The following CDC20B variants were observed in gnomAD, a reference collection of about 807,000 sequenced individuals.
CDC20B encodes cell division cycle protein 20 homolog B.
A neutral mutation model predicts 64.1 loss-of-function variants in CDC20B; 58 were observed. That is an observed-to-expected ratio of 0.90 (90% CI 0.73 to 1.13). The LOEUF is 1.13. CDC20B is among the 50% of genes most tolerant of loss of function. The pLI is 0.00. For missense variants in CDC20B, 597 were observed against 633.0 expected (o/e 0.94, Z 0.61); for synonymous variants, 243 against 230.6 (o/e 1.05, Z -0.49).
intron 2 of CDC20B, among the ~76,000 whole-genome samples, chr5:55,148,859 C>T (rs1345661646): frequency 2.0e-5 from 3 of 152,200 alleles, no homozygotes; most frequent in East Asian, 1.9e-4. Flanking sequence ...ATCTTATTTA[C>T]GCCCATTTTA....
chr5:55,125,385 G>A (rs530969357), intron 8 of CDC20B, among the ~76,000 whole-genome samples: 10 of 152,118 alleles, frequency 6.6e-5, no homozygotes, highest in Non-Finnish European at 1.5e-4. Flanking sequence ...ACACTTTTCT[G>A]CAACTTTGAA....
intron 5 of CDC20B, among the ~76,000 whole-genome samples, chr5:55,138,641 G>A (rs1455554118): frequency 1.3e-5 from 2 of 151,270 alleles, no homozygotes; most frequent in African/African-American, 2.4e-5. Flanking sequence ...ACAACACAGA[G>A]AGCACAGAAG....
At position 55,170,534 on chromosome 5, in the gene CDC20B, T is replaced by C. The variant is rs144949536; in HGVS notation, c.126+2054A>G. On this transcript the variant is annotated intron_variant, in intron 2 of 11. Coordinates refer to ENST00000381375, the MANE Select transcript of CDC20B (RefSeq NM_001170402.1). ...TTCAGTTACACTCTGATGTTCATTG[T>C]ATATGCAATAAGACAGCAGTTGCAT... 848 of 534,832 alleles carry C rather than the reference T, an allele frequency of 1.6e-3. 3 individuals are homozygous for C. The highest frequency in any genetic ancestry group is 2.1e-3 in the Non-Finnish European group (551 of 260,094). 33.1% of individuals were successfully genotyped at this position (534,832 alleles called of 1,614,324 possible).
chr5:55,137,586 C>T, intron 5 of CDC20B: 1 of 456,662 alleles, frequency 2.2e-6, no homozygotes, highest in Non-Finnish European at 4.4e-6. Flanking sequence ...TAGTCTTTGC[C>T]ACCAACATCC....
chr5:55,157,118 C>T (rs1394000643), intron 2 of CDC20B, among the ~76,000 whole-genome samples: 1 of 152,166 alleles, frequency 6.6e-6, no homozygotes, highest in East Asian at 1.9e-4. Context: ...TCATCATGAA[C>T]TCATCAATCT....
At position 55,147,578 on chromosome 5, in the gene CDC20B, TTA is replaced by T. The variant is rs1417954704; in HGVS notation, c.127-724_127-723del. 2.0e-5 allele frequency among the ~76,000 whole-genome samples: 3 copies of T among 150,190 alleles called. No homozygotes were observed. The East Asian group carries it at 5.8e-4, about 29-fold the overall frequency. ...TTTATATGTATTTATGTGTAAAATG[TTA>T]TTTTTTTATGTTTATATGTGAAATA... is the stretch of plus-strand genomic sequence containing the variant. On this transcript the variant is annotated intron_variant, in intron 2 of 11. Transcript: ENST00000381375.
At chr5:55,121,876 C>T (rs1442346721) in intron 9 of CDC20B, among the ~76,000 whole-genome samples, 2 of 152,180 alleles carry the variant, frequency 1.3e-5, no homozygotes, top group African/African-American at 4.8e-5. Flanking sequence ...TTTTTGCCAT[C>T]TAAGCACCTA....
chr5:55,160,148 C>T, intron 2 of CDC20B: 1 of 1,452,260 alleles, frequency 6.9e-7, no homozygotes, highest in South Asian at 1.1e-5. Flanking sequence ...TTCAGCTCCT[C>T]CTTGAATTCC....
rs757634729 is a variant in CDC20B, at chr5:55,146,753, C to T, written c.230G>A (p.Trp77Ter). Residue 77 changes from tryptophan to a stop codon, truncating the protein, a stop_gained, in exon 3 of 12, where the codon TGG becomes TAG. Coordinates refer to ENST00000381375, the MANE Select transcript of CDC20B (RefSeq NM_001170402.1). LOFTEE classifies it high-confidence loss of function. ...CAGAGCCCTAGTTTGACTTTGCTGC[C>T]ACCTTGTGGTAATGGGGCTACTCGC... ...PVASSPITTR[W>*]QQSQTRALSS... is the part of the protein sequence containing the mutation. 15 of 1,614,010 alleles carry T rather than the reference C, an allele frequency of 9.3e-6. No individual in the cohort carries two copies. The highest frequency in any genetic ancestry group is 1.3e-5 in the Non-Finnish European group (15 of 1,180,024).
intron 2 of CDC20B, among the ~76,000 whole-genome samples, chr5:55,156,690 A>G (rs1026246285): frequency 2.0e-5 from 3 of 152,100 alleles, no homozygotes; most frequent in African/African-American, 7.2e-5. Flanking sequence ...CCTGACTAAT[A>G]TGGTGAAACC....
intron 2 of CDC20B, among the ~76,000 whole-genome samples, chr5:55,169,650 A>C (rs1437550814): frequency 3.3e-5 from 5 of 152,212 alleles, no homozygotes; most frequent in African/African-American, 1.2e-4. Flanking sequence ...GATCTTCCAA[A>C]AAAATGTAAA....
Position 55,146,818 on chromosome 5 carries a change from C to A in CDC20B, c.165G>T (p.Lys55Asn). Residue 55 changes from lysine (K) to asparagine (N), a missense_variant, in exon 3 of 12, where the codon AAG (lysine) becomes AAT (asparagine). Physicochemically the swap from Lys to Asn is moderately conservative, Grantham distance 94 (BLOSUM62 0). This residue lies in a region of CDC20B where 241 missense variants were observed against 219.2 expected (regional missense o/e 1.10). Coordinates refer to ENST00000381375, the MANE Select transcript of CDC20B (RefSeq NM_001170402.1). The stretch of plus-strand genomic sequence containing the variant: ...CGGACAGCCTCTTCGCAAAGTTGCT[C>A]TTAAAGTCAGAATACGTAGCATTAA... ...DSVNATYSDF[K>N]SNFAKRLSAE... 6.2e-7 allele frequency: 1 copy of A among 1,614,078 alleles called. No homozygotes were observed. The highest frequency in any genetic ancestry group is 8.5e-7 in the Non-Finnish European group (1 of 1,180,008).
At chr5:55,157,042 T>C (rs1400110953) in intron 2 of CDC20B, among the ~76,000 whole-genome samples, 1 of 152,210 alleles carries the variant, frequency 6.6e-6, no homozygotes, top group East Asian at 1.9e-4. Context: ...TTTCCAGTGC[T>C]TGAGTTGGTT....
chr5:55,129,263 C>T (rs548435638), intron 6 of CDC20B, among the ~76,000 whole-genome samples: 3 of 152,128 alleles, frequency 2.0e-5, no homozygotes, highest in South Asian at 4.2e-4. Flanking sequence ...CAATACATTC[C>T]GTCCCCATGA....
Position 55,113,966 on chromosome 5 carries a change from G to A in CDC20B, c.*252C>T. On this transcript the variant is annotated 3_prime_UTR_variant, in exon 12 of 12. Coordinates refer to ENST00000381375, the MANE Select transcript of CDC20B (RefSeq NM_001170402.1). ...AGTGAAAATGAATCTCTAGAAAGGG[G>A]TAAGAATGGGAGGAAGAAGAGGAGG... 2.1e-6 allele frequency: 1 copy of A among 480,424 alleles called. No individual in the cohort carries two copies. Among genetic ancestry groups the A allele is most frequent in the Non-Finnish European group, 3.6e-6 (1 of 281,644 alleles). 29.8% of individuals were successfully genotyped at this position (480,424 alleles called of 1,614,324 possible). A position where few individuals can be genotyped will look rare whatever the true frequency, so the allele number is the denominator to read the frequency against.
In CDC20B at chr5:55,171,220, T is replaced by A. The variant is rs373321917; in HGVS notation, c.126+1368A>T. Among the ~76,000 whole-genome samples, 6 of 152,224 alleles carry A rather than the reference T, an allele frequency of 3.9e-5. No individual in the cohort carries two copies. In the East Asian group the frequency reaches 1.2e-3, roughly 29 times the overall value. On this transcript the variant is annotated intron_variant, in intron 2 of 11. Transcript: ENST00000381375. ...CCCAGCTACTCAGGAGGCTGAGACA[T>A]GAGAATCACTTGAACCCGGGAGCTG...
At chr5:55,161,030 C>A in intron 2 of CDC20B, 1 of 1,614,034 alleles carries the variant, frequency 6.2e-7, no homozygotes, top group Non-Finnish European at 8.5e-7. Context: ...TGACTGCCAA[C>A]TCACAGACAG....
chr5:55,118,250 G>A (rs1040279695), intron 11 of CDC20B, among the ~76,000 whole-genome samples: 8 of 152,180 alleles, frequency 5.3e-5, no homozygotes, highest in African/African-American at 1.9e-4. Context: ...TTGTATAACT[G>A]CTAAACACTT....
At chr5:55,164,038 T>A in intron 2 of CDC20B, 1 of 1,519,266 alleles carries the variant, frequency 6.6e-7, no homozygotes, top group Non-Finnish European at 8.9e-7. Context: ...CATGAAAATA[T>A]GTTCTGGATA....
Sources: allele counts gnomAD v4.1 joint callset (sites outside exome capture counted in the v4.1 genomes callset), GRCh38; gene constraint gnomAD v4.1.1; regional missense constraint gnomAD v4.1.1; transcripts MANE v1.5; gene names NCBI Gene and HGNC (gene_info 2026-07-23, HGNC 2026-07-21).